LRIG3: variants seen among roughly 807,000 people sequenced by gnomAD.
LRIG3 encodes leucine-rich repeats and immunoglobulin-like domains protein 3.
LRIG3 carries 76 observed loss-of-function variants against 114.5 expected under a neutral mutation model. The observed-to-expected ratio is 0.66, with a 90% confidence interval of 0.55 to 0.80. The LOEUF (loss-of-function observed/expected upper bound fraction) is 0.80, where lower values mean the gene tolerates loss of function less well. Among genes scored for constraint, LRIG3 ranks in the 30% least tolerant of loss-of-function variants. The pLI is 0.00. For missense variants in LRIG3, 1,239 were observed against 1,382.8 expected (o/e 0.90, Z 1.65); for synonymous variants, 512 against 519.8 (o/e 0.98, Z 0.20).
intron 3 of LRIG3, among the ~76,000 whole-genome samples, chr12:58,900,236 CA>C (rs1269506500): frequency 6.6e-6 from 1 of 151,634 alleles, no homozygotes; most frequent in African/African-American, 2.4e-5. Flanking sequence ...TCTGCACTCC[CA>C]TCTTTATAGG....
intron 3 of LRIG3, among the ~76,000 whole-genome samples, chr12:58,898,401 C>T (rs1871720159): frequency 6.6e-6 from 1 of 152,184 alleles, no homozygotes; most frequent in South Asian, 2.1e-4. Flanking sequence ...AGAAGTCATA[C>T]AACTGCATCA....
rs1871302896 is a variant in LRIG3, at chr12:58,887,150, T to G, written c.1092-260A>C. On this transcript the variant is annotated intron_variant, in intron 8 of 18. Coordinates refer to ENST00000320743, the MANE Select transcript of LRIG3 (RefSeq NM_153377.5). ...AATTCCTCTATCAAAATGACTACAT[T>G]CTGAATGATCCGAACAGTCTGAAAA... is the stretch of plus-strand genomic sequence containing the variant. The G allele has an allele frequency of 7.1e-6, 3 of 421,362 alleles. No individual in the cohort carries two copies. In the South Asian group the frequency reaches 1.1e-4, roughly 15 times the overall value. 26.1% of individuals were successfully genotyped at this position (421,362 alleles called of 1,614,324 possible).
intron 3 of LRIG3, among the ~76,000 whole-genome samples, chr12:58,910,199 AT>A (rs1872224591): frequency 6.6e-6 from 1 of 152,224 alleles, no homozygotes; most frequent in Admixed American, 6.5e-5. Context: ...TTTATCAGTA[AT>A]TCTAGAAATA....
intron 10 of LRIG3, 71 bp downstream of exon 10, chr12:58,885,760 T>C (rs1352804235): frequency 1.9e-6 from 2 of 1,078,582 alleles, no homozygotes; most frequent in Non-Finnish European, 1.3e-6. Context: ...GTTTGTTTTA[T>C]CTTTCATGAC....
At chr12:58,904,625 A>C (rs570216766) in intron 3 of LRIG3, among the ~76,000 whole-genome samples, 1 of 152,318 alleles carries the variant, frequency 6.6e-6, no homozygotes, top group African/African-American at 2.4e-5. Flanking sequence ...AAAATGGGTC[A>C]TTGTCAAATC....
intron 3 of LRIG3, among the ~76,000 whole-genome samples, chr12:58,900,976 C>T (rs1012162248): frequency 1.3e-5 from 2 of 152,072 alleles, no homozygotes; most frequent in South Asian, 2.1e-4. Context: ...CCCGTGCTGT[C>T]GACATTTGTA....
At chr12:58,879,817 G>T (rs1669446665) in intron 13 of LRIG3, among the ~76,000 whole-genome samples, 1 of 152,156 alleles carries the variant, frequency 6.6e-6, no homozygotes, top group South Asian at 2.1e-4. Flanking sequence ...TGCCTCTAGG[G>T]GGCAGGTCCT....
chr12:58,882,256 T>C (rs1871149035), intron 12 of LRIG3, among the ~76,000 whole-genome samples: 1 of 152,208 alleles, frequency 6.6e-6, no homozygotes, highest in Non-Finnish European at 1.5e-5. Context: ...CATCATGTAA[T>C]AGACAGAAAG....
At chr12:58,891,340 T>C (rs1871450275) in intron 3 of LRIG3, among the ~76,000 whole-genome samples, 1 of 152,070 alleles carries the variant, frequency 6.6e-6, no homozygotes, top group Non-Finnish European at 1.5e-5. Context: ...ACTCCTGGCC[T>C]CAAGCAATCC....
intron 10 of LRIG3, 90 bp from the exon 11 acceptor site, chr12:58,883,681 T>G (rs1248813253): frequency 2.0e-5 from 17 of 831,834 alleles, no homozygotes; most frequent in Non-Finnish European, 2.8e-5. Context: ...CCCACCCCAT[T>G]TGCCAAACAA....
chr12:58,884,690 TC>T (rs1355238654), intron 10 of LRIG3, among the ~76,000 whole-genome samples: 1 of 152,166 alleles, frequency 6.6e-6, no homozygotes, highest in African/African-American at 2.4e-5. Flanking sequence ...GATCCAAGTC[TC>T]CCTCAGAGGA....
rs752698837 is a variant in LRIG3, at chr12:58,880,897, A to G, written c.1485T>C (p.Asp495=). ...AVSPDGFVCD[D]FPKPQITVQP... is the part of the protein sequence containing the mutation. ...GAACCGTGATCTGGGGTTTGGGAAA[A>G]TCATCTGTTAAAAATGGAGAGGAGG... The change falls in exon 13 of 19, where the codon GAT becomes GAC. Residue 495 remains aspartate, a synonymous_variant. Transcript: ENST00000320743. 4 of 1,610,010 alleles carry G rather than the reference A, an allele frequency of 2.5e-6. No homozygotes were observed. The highest frequency in any genetic ancestry group is 2.2e-5 in the East Asian group (1 of 44,748).
chr12:58,880,494 A>G, intron 13 of LRIG3, 87 bp downstream of exon 13: 1 of 1,306,766 alleles, frequency 7.7e-7, no homozygotes, highest in Non-Finnish European at 1.1e-6. Flanking sequence ...AGAAGAAAAG[A>G]CAGGGTTAAG....
At chr12:58,898,254 T>TCTACTA (rs1450963176) in intron 3 of LRIG3, among the ~76,000 whole-genome samples, 1 of 152,216 alleles carries the variant, frequency 6.6e-6, no homozygotes, top group East Asian at 1.9e-4. Flanking sequence ...TGTGTCTTTA[T>TCTACTA]CTACTACGTT....
intron 18 of LRIG3, chr12:58,873,847 T>G: frequency 1.6e-6 from 1 of 614,558 alleles, no homozygotes; most frequent in Non-Finnish European, 2.8e-6. Flanking sequence ...CTCCTGAGGC[T>G]TAGTTATAGA....
chr12:58,907,073 C>T (rs1221989941), intron 3 of LRIG3, among the ~76,000 whole-genome samples: 1 of 152,158 alleles, frequency 6.6e-6, no homozygotes, highest in Non-Finnish European at 1.5e-5. Flanking sequence ...CTCCACCTCA[C>T]TTCCCCTCAC....
rs1380838946 is a variant in LRIG3 at position 58,900,960 on chromosome 12, T to C, written c.384-10164A>G. 3.9e-5 allele frequency among the ~76,000 whole-genome samples: 6 copies of C among 152,220 alleles called. No homozygotes were observed. In the East Asian group the frequency reaches 1.2e-3, roughly 29 times the overall value. On this transcript the variant is annotated intron_variant, in intron 3 of 18. Transcript: ENST00000320743. ...TAGGGAAGCAGCTGGTGGCAGCTAC[T>C]GTGGCCCCGTGCTGTCGACATTTGT...
At chr12:58,878,606 G>C (rs972196205) in intron 14 of LRIG3, among the ~76,000 whole-genome samples, 20 of 152,158 alleles carry the variant, frequency 1.3e-4, no homozygotes, top group African/African-American at 1.9e-4. Context: ...CAGGATGGAG[G>C]GGGCAGGGAT....
chr12:58,892,039 ACAG>A (rs1332465508), intron 3 of LRIG3, among the ~76,000 whole-genome samples: 2 of 151,776 alleles, frequency 1.3e-5, no homozygotes, highest in African/African-American at 4.9e-5. Context: ...AAAGAAACAA[ACAG>A]AAAAAAAAAA....
Sources: gnomAD v4.1 joint callset for allele counts (sites outside exome capture counted in the v4.1 genomes callset) on GRCh38, gnomAD v4.1.1 for gene constraint, MANE v1.5 for transcripts, NCBI Gene and HGNC (gene_info 2026-07-23, HGNC 2026-07-21) for gene names.